Variants in SEC23A observed in about 807,000 individuals in gnomAD.
SEC23A encodes the protein protein transport protein Sec23A.
In SEC23A, 56 loss-of-function variants were observed where a neutral mutation model predicts 103.7. That is an observed-to-expected ratio of 0.54 (90% CI 0.44 to 0.67). The LOEUF (loss-of-function observed/expected upper bound fraction) is 0.67. Ranked by LOEUF, SEC23A falls within the 30% of genes least tolerant of loss-of-function variation. The pLI, the probability that SEC23A is intolerant of heterozygous loss-of-function variation, is 0.00. For synonymous variants in SEC23A, 281 were observed against 293.0 expected (o/e 0.96, Z 0.42); for missense variants, 784 against 936.4 (o/e 0.84, Z 2.12).
chr14:39,055,629 T>G (rs1886219134), intron 13 of SEC23A, among the ~76,000 whole-genome samples: 1 of 152,004 alleles, frequency 6.6e-6, no homozygotes, highest in South Asian at 2.1e-4. Context: ...AAAATAAAAT[T>G]AAACAAGAGA....
intron 17 of SEC23A, chr14:39,041,431 A>AAAAAAAAAAAAAAAAAAAAAAAC (rs1885636643): frequency 8.5e-6 from 1 of 117,122 alleles, no homozygotes; most frequent in Non-Finnish European, 1.7e-5. Context: ...AAAAAAAAAA[A>AAAAAAAAAAAAAAAAAAAAAAAC]AAAGCCCTGT....
chr14:39,065,580 A>C (rs1457122725), intron 10 of SEC23A, among the ~76,000 whole-genome samples: 1 of 152,176 alleles, frequency 6.6e-6, no homozygotes, highest in African/African-American at 2.4e-5. Context: ...ATTTCCTTTC[A>C]TTCAAATACA....
chr14:39,041,796 G>C (rs542135377), intron 17 of SEC23A, among the ~76,000 whole-genome samples: 1 of 151,318 alleles, frequency 6.6e-6, no homozygotes, highest in African/African-American at 2.4e-5. Context: ...TGGAACCCGG[G>C]AGGCAGAGGC....
In SEC23A at chr14:39,074,394, T is replaced by A. The variant is rs756773046; in HGVS notation, c.1103+21A>T. The A allele has an allele frequency of 4.8e-6, 7 of 1,451,072 alleles. No individual in the cohort carries two copies. In the African/African-American group the frequency reaches 9.8e-5, roughly 20 times the overall value. The allele number at this position is 1,451,072 out of a possible 1,614,324, so 89.9% of individuals were successfully genotyped here. The stretch of plus-strand genomic sequence containing the variant: ...ATCATTTGCTTATAATTACAAAAAC[T>A]GTAAAAATTTAAATACATACCCAGT... On this transcript the variant is annotated intron_variant, in intron 9 of 19. Coordinates refer to ENST00000307712, the MANE Select transcript of SEC23A (RefSeq NM_006364.4).
intron 1 of SEC23A, among the ~76,000 whole-genome samples, chr14:39,100,381 T>C (rs945379563): frequency 6.6e-6 from 1 of 151,498 alleles, no homozygotes; most frequent in Non-Finnish European, 1.5e-5. Context: ...GACAATGGCA[T>C]ATCTGAAATA....
intron 5 of SEC23A, chr14:39,091,251 T>A (rs1424363426): frequency 1.3e-5 from 7 of 526,442 alleles, no homozygotes; most frequent in Non-Finnish European, 2.0e-5. Context: ...TGGTTTGACT[T>A]TAAATTTTAA....
At chr14:39,091,013 C>T in intron 5 of SEC23A, 1 of 378,230 alleles carries the variant, frequency 2.6e-6, no homozygotes, top group Non-Finnish European at 5.0e-6. Context: ...ACCACCACTG[C>T]TGCCCCAGCT....
At chr14:39,096,392 T>A (rs546487716) in intron 1 of SEC23A, among the ~76,000 whole-genome samples, 146 of 152,170 alleles carry the variant, frequency 9.6e-4, no homozygotes, top group African/African-American at 3.0e-3. Flanking sequence ...TAGCCAGGCA[T>A]GGTGGCGTAT....
intron 3 of SEC23A, 183 bp downstream of exon 3, chr14:39,093,004 C>A: frequency 2.0e-6 from 1 of 509,742 alleles, no homozygotes; most frequent in Non-Finnish European, 3.5e-6. Flanking sequence ...GCTGGGACTA[C>A]AGGCGCCTGC....
chr14:39,057,595 G>T (rs1886293430), intron 13 of SEC23A, among the ~76,000 whole-genome samples: 1 of 152,110 alleles, frequency 6.6e-6, no homozygotes, highest in Non-Finnish European at 1.5e-5. Flanking sequence ...TCCAACTCCT[G>T]GACTCAAGTG....
intron 1 of SEC23A, among the ~76,000 whole-genome samples, chr14:39,100,704 T>C (rs1305191788): frequency 1.3e-5 from 2 of 150,698 alleles, no homozygotes; most frequent in African/African-American, 4.9e-5. Flanking sequence ...TGAGCCACCA[T>C]GCCCAGCCAC....
At chr14:39,060,104 T>C (rs185599960) in intron 13 of SEC23A, among the ~76,000 whole-genome samples, 2,165 of 107,548 alleles carry the variant, frequency 0.02, 72 homozygotes, top group African/African-American at 0.094. Context: ...TGCACACACA[T>C]GTGTGTGTGT....
At chr14:39,055,118 G>A (rs1467318819) in intron 14 of SEC23A, 25 bp downstream of exon 14, 8 of 1,613,672 alleles carry the variant, frequency 5.0e-6, no homozygotes, top group Non-Finnish European at 6.8e-6. Context: ...TACAGATTTA[G>A]AAAAGCACAG....
chr14:39,101,605 A>C (rs1489479354), intron 1 of SEC23A, among the ~76,000 whole-genome samples: 1 of 150,830 alleles, frequency 6.6e-6, no homozygotes, highest in Non-Finnish European at 1.5e-5. Context: ...CCTGGGTGAC[A>C]GAGCGAGACT....
intron 3 of SEC23A, chr14:39,092,837 G>T (rs191377449): frequency 9.4e-6 from 5 of 531,542 alleles, no homozygotes; most frequent in South Asian, 7.0e-5. Flanking sequence ...TGTTTTATGG[G>T]TTTTTTTTCA....
chr14:39,094,098 T>C (rs2180216), intron 2 of SEC23A, among the ~76,000 whole-genome samples: 124,760 of 150,828 alleles, frequency 0.83, 51,893 homozygotes, highest in African/African-American at 0.86. Context: ...CATAGCTCCC[T>C]GCAGCATTGA....
intron 1 of SEC23A, among the ~76,000 whole-genome samples, chr14:39,097,158 A>T (rs1887916481): frequency 6.6e-6 from 1 of 152,242 alleles, no homozygotes; most frequent in South Asian, 2.1e-4. Flanking sequence ...CCAAGGGAAG[A>T]GGATGCACTC....
intron 13 of SEC23A, among the ~76,000 whole-genome samples, chr14:39,059,899 T>C (rs913923174): frequency 2.6e-5 from 4 of 152,214 alleles, no homozygotes; most frequent in Non-Finnish European, 5.9e-5. Context: ...TTGCATTTTG[T>C]CCATGATCAC....
intron 7 of SEC23A, among the ~76,000 whole-genome samples, chr14:39,085,349 C>T (rs1887396867): frequency 6.6e-6 from 1 of 151,992 alleles, no homozygotes; most frequent in East Asian, 1.9e-4. Flanking sequence ...AAAGTGTTTC[C>T]TAGAGTTCTG....
Sources: allele counts gnomAD v4.1 joint callset (sites outside exome capture counted in the v4.1 genomes callset), GRCh38; gene constraint gnomAD v4.1.1; transcripts MANE v1.5; gene names NCBI Gene and HGNC (gene_info 2026-07-23, HGNC 2026-07-21).